The following PEX16 variants were observed in gnomAD, a reference collection of about 807,000 sequenced individuals.
PEX16 encodes peroxin 16.
A neutral mutation model predicts 50.5 loss-of-function variants in PEX16; 37 were observed. The observed-to-expected ratio is 0.73, with a 90% CI of 0.56 to 0.96. The LOEUF is 0.96. Among genes scored for constraint, PEX16 ranks in the 40% least tolerant of loss-of-function variants. PEX16 has a pLI of 0.00. For synonymous variants in PEX16, 185 were observed against 190.3 expected (o/e 0.97, Z 0.23); for missense variants, 401 against 438.3 (o/e 0.91, Z 0.76).
rs1481661099 is a variant in PEX16, at chr11:45,914,638, C to A, written c.507G>T (p.Lys169Asn). ...GGGTTCGCACCACCCGGTTTGACCG[C>A]TTCCCCACGTAGGACTGCTCATGGT... ...PGNHEQSYVG[K>N]RSNRVVRTLQ... Residue 169 changes from lysine to asparagine, a missense_variant, in exon 6 of 11, where the codon AAG (lysine) becomes AAT (asparagine). Lys to Asn is a moderately conservative substitution (Grantham distance 94). Transcript: ENST00000378750. 6.2e-7 allele frequency: 1 copy of A among 1,614,130 alleles called. No individual in the cohort carries two copies. The highest frequency in any genetic ancestry group is 8.5e-7 in the Non-Finnish European group (1 of 1,180,054).
intron 9 of PEX16, among the ~76,000 whole-genome samples, chr11:45,913,219 CT>C (rs1307431678): frequency 6.6e-6 from 1 of 151,544 alleles, no homozygotes; most frequent in Non-Finnish European, 1.5e-5. Context: ...GGGTTTCCCC[CT>C]GTCAGACTGT....
At chr11:45,917,006 G>C (rs955718989) in intron 2 of PEX16, 1 of 469,618 alleles carries the variant, frequency 2.1e-6, no homozygotes, top group Non-Finnish European at 4.2e-6. Flanking sequence ...CATTCTTTCA[G>C]GACTGTGACA....
chr11:45,914,386 C>A lies in PEX16; in HGVS notation c.624G>T (p.Ala208=). ...RQQQHHEELS[A]TPTPLGLQET... is the part of the protein sequence containing the mutation. ...CCTGCAGCCCCAGGGGGGTGGGGGT[C>A]GCACTCAGCTCCTCGTGATGCTGCT... is the stretch of plus-strand genomic sequence containing the variant. Residue 208 remains alanine, a synonymous_variant, in exon 7 of 11, where the codon GCG becomes GCT. Transcript: ENST00000378750. The A allele has an allele frequency of 6.2e-7, 1 of 1,610,334 alleles. No homozygotes were observed. The highest frequency in any genetic ancestry group is 8.5e-7 in the Non-Finnish European group (1 of 1,180,012).
At position 45,915,663 on chromosome 11, in the gene PEX16, G is replaced by A. The variant is rs201116672; in HGVS notation, c.359+40C>T. 9.6e-4 allele frequency: 1,553 copies of A among 1,613,060 alleles called. 13 individuals are homozygous for A. The highest frequency in any genetic ancestry group is 8.7e-3 in the South Asian group (794 of 91,058). ...AGCACCATCTGTGTAGCTAGCCTGCGTCACCCCCACCCAGGACCCTCTCCA... is the reference window on the plus strand; with the variant it reads ...AGCACCATCTGTGTAGCTAGCCTGCATCACCCCCACCCAGGACCCTCTCCA... On this transcript the variant is annotated intron_variant, in intron 4 of 10. Coordinates refer to ENST00000378750, the MANE Select transcript of PEX16 (RefSeq NM_004813.4).
chr11:45,916,101 T>C, intron 3 of PEX16, 126 bp downstream of exon 3: 1 of 823,080 alleles, frequency 1.2e-6, no homozygotes, highest in South Asian at 1.3e-5. Flanking sequence ...TGAGATGGTT[T>C]GAGGCTCAGA....
In PEX16 at chr11:45,914,433, G is replaced by T; in HGVS notation, c.577C>A (p.Gln193Lys). Residue 193 changes from glutamine (Q) to lysine (K), a missense_variant, in exon 7 of 11, where the codon CAG becomes AAG. Physicochemically the swap from Gln to Lys is moderately conservative, Grantham distance 53. Coordinates refer to ENST00000378750, the MANE Select transcript of PEX16 (RefSeq NM_004813.4). ...SLHSRHWGAP[Q>K]QREGRQQQHH... ...TGCTGCTGCCGTCCCTCCCGCTGCT[G>T]GGGAGCTCCCCAGTGCCTGGAGTGC... 6.2e-7 allele frequency: 1 copy of T among 1,608,802 alleles called. No homozygotes were observed. Among genetic ancestry groups the T allele is most frequent in the Non-Finnish European group, 8.5e-7 (1 of 1,179,976 alleles).
Position 45,914,473 on chromosome 11 carries a change from A to G in PEX16, c.542-5T>C. The G allele has an allele frequency of 6.2e-7, 1 of 1,608,338 alleles. No homozygotes were observed. Among genetic ancestry groups the G allele is most frequent in the South Asian group, 1.1e-5 (1 of 91,048 alleles). ...GCCTGGAGTGCAGGGACGGCGCTAG[A>G]ACACAAGGGCGGCAGATGAGCGAGC... On this transcript the variant is annotated splice_region_variant and splice_polypyrimidine_tract_variant and intron_variant, in intron 6 of 10. Transcript: ENST00000378750.
chr11:45,917,389 C>A, intron 2 of PEX16, 69 bp downstream of exon 2: 1 of 1,479,808 alleles, frequency 6.8e-7, no homozygotes. Flanking sequence ...GGGTGCTCAC[C>A]CTCTCTGGGG....
At chr11:45,918,152 A>G (rs2086860423), upstream of PEX16, 2 of 426,988 alleles carry the variant, frequency 4.7e-6, no homozygotes, top group Non-Finnish European at 8.8e-6. Flanking sequence ...CTGCGCAGTT[A>G]AAGCTCCGGT....
Position 45,913,809 on chromosome 11 carries a change from G to A in PEX16, c.887+10C>T. 6.2e-7 allele frequency: 1 copy of A among 1,613,924 alleles called. No homozygotes were observed. Among genetic ancestry groups the A allele is most frequent in the Non-Finnish European group, 8.5e-7 (1 of 1,179,964 alleles). On this transcript the variant is annotated intron_variant, in intron 9 of 10. Transcript: ENST00000378750. ...CCCTCTCCCTGGCTCAGGGTGTCCT[G>A]GGTGCTTACTCGGAGAAGCGGTCAT...
intron 5 of PEX16, among the ~76,000 whole-genome samples, chr11:45,915,192 C>T (rs1156601559): frequency 6.6e-6 from 1 of 152,246 alleles, no homozygotes; most frequent in African/African-American, 2.4e-5. Context: ...CAGAACCAGG[C>T]TCAGAGTCGA....
At chr11:45,918,273 TGA>T (rs527747085), upstream of PEX16, 56 of 254,946 alleles carry the variant, frequency 2.2e-4, no homozygotes, top group African/African-American at 1.2e-3. Flanking sequence ...TTTAAAGGGC[TGA>T]GAGATAGCGG....
chr11:45,910,617 C>A (rs1421941093), intron 10 of PEX16, among the ~76,000 whole-genome samples: 2 of 152,190 alleles, frequency 1.3e-5, no homozygotes, highest in East Asian at 1.9e-4. Context: ...TTGAATCCCC[C>A]CAAGATGAGA....
intron 9 of PEX16, 91 bp downstream of exon 9, chr11:45,913,728 G>A: frequency 7.0e-7 from 1 of 1,437,086 alleles, no homozygotes; most frequent in South Asian, 1.2e-5. Context: ...CCCTGGATGA[G>A]GCGTGGGGAA....
chr11:45,915,905 G>C, intron 3 of PEX16, 69 bp from the exon 4 acceptor site: 2 of 1,479,922 alleles, frequency 1.4e-6, no homozygotes, highest in Non-Finnish European at 9.4e-7. Flanking sequence ...CTTCTCCTAG[G>C]AGGGAGCTTC....
In PEX16 at chr11:45,909,882, T is replaced by C. The variant is rs1418081001; in HGVS notation, c.*372A>G. ...GGGCAGCGTTCAGCCATCACCCGGG[T>C]TCAGGCTTCCTGTCCTCACCAGGGG... On this transcript the variant is annotated 3_prime_UTR_variant, in exon 11 of 11. Coordinates refer to ENST00000378750, the MANE Select transcript of PEX16 (RefSeq NM_004813.4). The C allele has an allele frequency of 1.7e-6, 1 of 599,104 alleles. No individual in the cohort carries two copies. Among genetic ancestry groups the C allele is most frequent in the African/African-American group, 1.8e-5 (1 of 54,054 alleles). 37.1% of individuals were successfully genotyped at this position (599,104 alleles called of 1,614,324 possible). A position where few individuals can be genotyped will look rare whatever the true frequency, so the allele number is the denominator to read the frequency against.
At chr11:45,913,720 C>A in intron 9 of PEX16, 99 bp downstream of exon 9, 2 of 1,393,020 alleles carry the variant, frequency 1.4e-6, no homozygotes, top group South Asian at 1.2e-5. Context: ...TTGGTGAACC[C>A]TGGATGAGGC....
At chr11:45,912,683 T>C (rs2086790774) in intron 9 of PEX16, among the ~76,000 whole-genome samples, 1 of 152,056 alleles carries the variant, frequency 6.6e-6, no homozygotes. Context: ...TTTGTATTTT[T>C]AGTAAAGACA....
intron 9 of PEX16, among the ~76,000 whole-genome samples, chr11:45,913,096 T>C (rs2086795321): frequency 6.6e-6 from 1 of 152,250 alleles, no homozygotes; most frequent in East Asian, 1.9e-4. Flanking sequence ...GTGCTAGGAT[T>C]ATAGGTGTGA....
Sources: allele counts gnomAD v4.1 joint callset (sites outside exome capture counted in the v4.1 genomes callset), GRCh38; gene constraint gnomAD v4.1.1; transcripts MANE v1.5; gene names NCBI Gene and HGNC (gene_info 2026-07-23, HGNC 2026-07-21).